MYOM3: variants seen among roughly 807,000 people sequenced by gnomAD.
MYOM3 encodes myomesin 3, also known as myomesin-3.
Under a neutral mutation model 191.7 loss-of-function variants are expected in MYOM3, and 155 were observed. The ratio of observed to expected loss-of-function variants is 0.81; its 90% CI spans 0.71 to 0.92. The LOEUF is 0.92. Among genes scored for constraint, MYOM3 ranks in the 40% least tolerant of loss-of-function variants. The pLI is 0.00. For synonymous variants in MYOM3, 757 were observed against 762.9 expected (o/e 0.99, Z 0.13); for missense variants, 1,889 against 1,890.6 (o/e 1.00, Z 0.02).
chr1:24,068,174 G>A (rs747011625), intron 26 of MYOM3, 49 bp downstream of exon 26: 17 of 1,575,162 alleles, frequency 1.1e-5, no homozygotes, highest in Admixed American at 3.4e-5. Flanking sequence ...CCAGGTGTGC[G>A]GGGCAGGGCG....
At chr1:24,092,811 C>T (rs1643856074) in intron 10 of MYOM3, 136 bp downstream of exon 10, 6 of 928,274 alleles carry the variant, frequency 6.5e-6, no homozygotes, top group Admixed American at 3.4e-5. Context: ...GACCCCAACC[C>T]AAAGCCCTGA....
chr1:24,099,003 G>A (rs1265165508), intron 6 of MYOM3, among the ~76,000 whole-genome samples: 1 of 152,140 alleles, frequency 6.6e-6, no homozygotes, highest in Admixed American at 6.5e-5. Flanking sequence ...AGGGATTATG[G>A]ATCGTATGTG....
Position 24,093,053 on chromosome 1 carries a change from T to G in MYOM3, c.984A>C (p.Ala328=), listed in dbSNP as rs747524661. The G allele has an allele frequency of 1.2e-5, 20 of 1,612,996 alleles. No individual in the cohort carries two copies. The East Asian group carries it at 4.5e-4, about 36-fold the overall frequency. ...TGTAGGTGCAGGACACCTTCAGGGA[T>G]GCCTGGCGGTCTGTGTAGAGGATCT... ...RRKILYTDRQ[A]SLKVSCTYKE... The change falls in exon 10 of 37, where the codon GCA becomes GCC. Residue 328 remains alanine (A), a synonymous_variant. Coordinates refer to ENST00000374434, the MANE Select transcript of MYOM3 (RefSeq NM_152372.4).
intron 20 of MYOM3, 45 bp from the exon 21 acceptor site, chr1:24,076,318 C>T (rs1490991458): frequency 1.4e-6 from 2 of 1,443,314 alleles, no homozygotes; most frequent in Admixed American, 1.7e-5. Context: ...AGCAGTGACT[C>T]TTCCTGAAAC....
chr1:24,098,378 G>C (rs1027486514), intron 6 of MYOM3, among the ~76,000 whole-genome samples: 3 of 152,222 alleles, frequency 2.0e-5, no homozygotes, highest in Non-Finnish European at 4.4e-5. Flanking sequence ...ATCCTGGAGC[G>C]GGAGCCTCCT....
chr1:24,068,131 T>G (rs1643476133), intron 26 of MYOM3, 92 bp downstream of exon 26: 1 of 1,481,480 alleles, frequency 6.8e-7, no homozygotes, highest in Non-Finnish European at 9.1e-7. Flanking sequence ...CTCAGCAGGC[T>G]GCAGAGCCGA....
intron 25 of MYOM3, 87 bp from the exon 26 acceptor site, chr1:24,068,454 G>A (rs1216429878): frequency 6.6e-7 from 1 of 1,508,254 alleles, no homozygotes; most frequent in Non-Finnish European, 9.1e-7. Context: ...GCTTGGGGGT[G>A]GTAAGCACAG....
In MYOM3 at chr1:24,107,066, C is replaced by T. The variant is rs368787290; in HGVS notation, c.402+7G>A. ...AGGCCCTGGGGCTCCACGGCCCACC[C>T]CCTTACCCGCCGCCTCAGCGTCTTC... On this transcript the variant is annotated splice_region_variant and intron_variant, in intron 4 of 36. Transcript: ENST00000374434. The T allele has an allele frequency of 1.2e-6, 2 of 1,603,968 alleles. No homozygotes were observed. Among genetic ancestry groups the T allele is most frequent in the South Asian group, 1.1e-5 (1 of 89,040 alleles).
At chr1:24,081,871 G>A (rs981920096) in intron 18 of MYOM3, 130 bp downstream of exon 18, 2 of 917,538 alleles carry the variant, frequency 2.2e-6, no homozygotes, top group Non-Finnish European at 3.3e-6. Flanking sequence ...ACTGGAAAAT[G>A]ATCTCGATGG....
At chr1:24,102,813 T>G (rs1037362045) in intron 5 of MYOM3, among the ~76,000 whole-genome samples, 24 of 152,132 alleles carry the variant, frequency 1.6e-4, no homozygotes, top group African/African-American at 5.8e-4. Flanking sequence ...ACCACTGCAC[T>G]CCAGCCTGGC....
chr1:24,098,111 C>T (rs1180133129), intron 6 of MYOM3, 100 bp from the exon 7 acceptor site: 1 of 796,526 alleles, frequency 1.3e-6, no homozygotes, highest in African/African-American at 1.7e-5. Flanking sequence ...TAAGGAAAGC[C>T]TCACGGTGCC....
intron 25 of MYOM3, among the ~76,000 whole-genome samples, chr1:24,068,655 C>T (rs1160323177): frequency 6.6e-6 from 1 of 151,990 alleles, no homozygotes; most frequent in African/African-American, 2.4e-5. Flanking sequence ...GTCCCGAACC[C>T]CTGCTGTGCC....
chr1:24,076,163 C>T lies in MYOM3; in HGVS notation c.2697G>A (p.Lys899=). The change falls in exon 21 of 37, where the codon AAG becomes AAA. Residue 899 remains lysine, a synonymous_variant. Coordinates refer to ENST00000374434, the MANE Select transcript of MYOM3 (RefSeq NM_152372.4). The part of the protein sequence containing the change: ...MPTDPVLLED[K]PGAHEIEVGV... ...GGCCTCTCCGGCCACCCCTACCTGG[C>T]TTGTCCTCCAGGAGCACGGGATCAG... 1 of 1,613,640 alleles carries T rather than the reference C, an allele frequency of 6.2e-7. No homozygotes were observed. The highest frequency in any genetic ancestry group is 8.5e-7 in the Non-Finnish European group (1 of 1,179,504).
intron 27 of MYOM3, among the ~76,000 whole-genome samples, chr1:24,067,589 G>A (rs1407789401): frequency 6.6e-6 from 1 of 151,706 alleles, no homozygotes; most frequent in Non-Finnish European, 1.5e-5. Flanking sequence ...AGCCTCCTGA[G>A]TAGCTGGAAT....
intron 7 of MYOM3, among the ~76,000 whole-genome samples, chr1:24,095,825 T>C (rs767526891): frequency 1.3e-5 from 2 of 151,892 alleles, no homozygotes; most frequent in Non-Finnish European, 2.9e-5. Context: ...TCAAGCCCGC[T>C]CAGAGGCGCG....
intron 16 of MYOM3, chr1:24,084,141 G>A: frequency 3.5e-6 from 1 of 288,148 alleles, no homozygotes; most frequent in Non-Finnish European, 6.6e-6. Flanking sequence ...CTCGTGGGAG[G>A]AGATTGGATC....
In MYOM3 at chr1:24,057,426, C is replaced by T. The variant is rs1643315640; in HGVS notation, c.4252G>A (p.Gly1418Ser). 6.2e-7 allele frequency: 1 copy of T among 1,614,176 alleles called. No individual in the cohort carries two copies. Among genetic ancestry groups the T allele is most frequent in the Non-Finnish European group, 8.5e-7 (1 of 1,180,040 alleles). ...FVKNKYGSET[G>S]QVTISVFKHG... ...TTGAACACACTGATGGTGACCTGGC[C>T]CGTCTCGGAGCCATACTTGTTCTTG... The change falls in exon 37 of 37, where the codon GGC (glycine) becomes AGC (serine). Residue 1418 changes from glycine (G) to serine (S), a missense_variant. By Grantham distance (56) the Gly-to-Ser change is moderately conservative (BLOSUM62 0). Transcript: ENST00000374434.
chr1:24,061,342 C>G (rs780844720), intron 33 of MYOM3, 33 bp from the exon 34 acceptor site: 5 of 1,610,790 alleles, frequency 3.1e-6, no homozygotes, highest in Non-Finnish European at 4.2e-6. Context: ...TGGGGGCCAT[C>G]AGGGCCTCTG....
intron 8 of MYOM3, 63 bp from the exon 9 acceptor site, chr1:24,095,053 G>C: frequency 6.5e-7 from 1 of 1,540,464 alleles, no homozygotes; most frequent in Non-Finnish European, 8.8e-7. Flanking sequence ...CTGGGACTTA[G>C]GAGTGAGGAA....
Sources: allele counts gnomAD v4.1 joint callset (sites outside exome capture counted in the v4.1 genomes callset), GRCh38; gene constraint gnomAD v4.1.1; transcripts MANE v1.5; gene names NCBI Gene and HGNC (gene_info 2026-07-23, HGNC 2026-07-21).